The following NFATC2 variants were observed in gnomAD, a reference collection of about 807,000 sequenced individuals.
NFATC2 encodes nuclear factor of activated T-cells, cytoplasmic 2.
A neutral mutation model predicts 87.3 loss-of-function variants in NFATC2; 22 were observed. The observed-to-expected ratio is 0.25, with a 90% CI of 0.18 to 0.36. The LOEUF is 0.36. NFATC2 is among the 10% of genes least tolerant of loss of function. The pLI is 1.00. For missense variants in NFATC2, 1,149 were observed against 1,259.1 expected, an observed-to-expected ratio of 0.91 and a Z score of 1.32; for synonymous variants, 565 against 542.2, an observed-to-expected ratio of 1.04 and a Z score of -0.58.
chr20:51,520,782 TC>T (rs1469180683), intron 2 of NFATC2, among the ~76,000 whole-genome samples: 4 of 152,080 alleles, frequency 2.6e-5, no homozygotes, highest in Non-Finnish European at 5.9e-5. Context: ...TGCCTCAGCC[TC>T]CCGAGTAGCT....
chr20:51,460,376 G>T (rs1025500246), intron 5 of NFATC2, among the ~76,000 whole-genome samples: 1 of 152,098 alleles, frequency 6.6e-6, no homozygotes, highest in African/African-American at 2.4e-5. Context: ...GTAAAATGGG[G>T]CTGTTAACAG....
chr20:51,510,632 T>C (rs1176194426), intron 3 of NFATC2, among the ~76,000 whole-genome samples: 1 of 152,216 alleles, frequency 6.6e-6, no homozygotes, highest in Non-Finnish European at 1.5e-5. Context: ...TATTTGTTTG[T>C]TTTTTTAGAG....
At position 51,524,819 on chromosome 20, in the gene NFATC2, C is replaced by A. The variant is rs1347093676; in HGVS notation, c.131-709G>T. On this transcript the variant is annotated intron_variant, in intron 1 of 10. Transcript: ENST00000371564. This position sits in a 1 kb window ranked among gnomAD's most constrained non-coding sequence, Gnocchi z 4.0. ...GGCCCAGAGCGGGGAAAAGGCCCAC[C>A]GAAAGATACGGAATTAGCAGGCTTA... 6.6e-6 allele frequency among the ~76,000 whole-genome samples: 1 copy of A among 152,230 alleles called. No homozygotes were observed. The highest frequency in any genetic ancestry group is 1.9e-4 in the East Asian group (1 of 5,182).
At chr20:51,558,963 CA>C (rs1343201800) in intron 1 of NFATC2, among the ~76,000 whole-genome samples, 1 of 152,184 alleles carries the variant, frequency 6.6e-6, no homozygotes, top group East Asian at 1.9e-4. Context: ...TCCCTGGCCT[CA>C]GGGGGCTTGT....
intron 1 of NFATC2, among the ~76,000 whole-genome samples, chr20:51,557,168 C>G (rs889400397): frequency 1.3e-5 from 2 of 152,176 alleles, no homozygotes; most frequent in African/African-American, 4.8e-5. Context: ...TACTCTATAC[C>G]AAGCTCTCAG....
chr20:51,471,424 G>T (rs112108896), intron 5 of NFATC2, among the ~76,000 whole-genome samples: 1 of 152,152 alleles, frequency 6.6e-6, no homozygotes, highest in Non-Finnish European at 1.5e-5. Context: ...ACAGGAGTGG[G>T]GTCTACTGAG....
intron 2 of NFATC2, among the ~76,000 whole-genome samples, chr20:51,521,306 T>C (rs983590290): frequency 6.6e-6 from 1 of 152,152 alleles, no homozygotes; most frequent in African/African-American, 2.4e-5. Flanking sequence ...TTTATCTATT[T>C]AGGTACTCAA....
chr20:51,516,756 A>G lies in NFATC2; in HGVS notation c.1332+28T>C, dbSNP rs374159486. On this transcript the variant is annotated intron_variant, in intron 3 of 10. Coordinates refer to ENST00000371564, the MANE Select transcript of NFATC2 (RefSeq NM_012340.5). ...AATCTCTTAGTGACAAACACCACAC[A>G]CAAAAGGAAGAGCATTCAAGTCCAT... The G allele has an allele frequency of 5.7e-6, 9 of 1,567,846 alleles. No individual in the cohort carries two copies. The African/African-American group carries it at 1.2e-4, about 21-fold the overall frequency.
intron 9 of NFATC2, among the ~76,000 whole-genome samples, chr20:51,403,383 T>TATAA (rs1307862925): frequency 6.6e-6 from 1 of 152,174 alleles, no homozygotes; most frequent in Admixed American, 6.5e-5. Context: ...CAGCAAGGAC[T>TATAA]GTATTCATGG....
At position 51,454,632 on chromosome 20, in the gene NFATC2, G is replaced by C. The variant is rs368302769; in HGVS notation, c.1765C>G (p.Leu589Val). Residue 589 changes from leucine (L) to valine (V), a missense_variant, in exon 6 of 11, where the codon CTG becomes GTG. Leu to Val is a conservative substitution (Grantham distance 32, BLOSUM62 1). This residue lies in a region of NFATC2 where 581 missense variants were observed against 649.7 expected (regional missense o/e 0.89). Transcript: ENST00000371564. Reference sequence around the variant, plus strand: ...ATCATTTGCTGGCCGCCATAGACCAGGCAGCTGTCTGTGTCTTGTCTTTCA... The same window carrying C: ...ATCATTTGCTGGCCGCCATAGACCACGCAGCTGTCTGTGTCTTGTCTTTCA... ...MVERQDTDSCLVYGGQQMILT... is the reference protein window; with the variant it reads ...MVERQDTDSCVVYGGQQMILT... 2 of 1,613,966 alleles carry C rather than the reference G, an allele frequency of 1.2e-6. No individual in the cohort carries two copies. The highest frequency in any genetic ancestry group is 2.7e-5 in the African/African-American group (2 of 74,906).
rs1983378727 is a variant in NFATC2, at chr20:51,435,191, G to C, written c.2029C>G (p.Pro677Ala). Residue 677 changes from proline (P) to alanine (A), a missense_variant, in exon 8 of 11, where the codon CCA becomes GCA. Pro to Ala is a conservative substitution (Grantham distance 27, BLOSUM62 -1). Transcript: ENST00000371564. ...GGTCATCAGAAACACTCCTTACCTG[G>C]GTGGTAGGTAAAGTGCTGAGGCTGA... Reference protein sequence around the residue: ...RSQPQHFTYHPVPAIKTEPTD... With the variant: ...RSQPQHFTYHAVPAIKTEPTD... 6.2e-7 allele frequency: 1 copy of C among 1,613,916 alleles called. No homozygotes were observed. The highest frequency in any genetic ancestry group is 1.3e-5 in the African/African-American group (1 of 74,902).
At position 51,475,615 on chromosome 20, in the gene NFATC2, T is replaced by G. The variant is rs936934373; in HGVS notation, c.1378A>C (p.Ile460Leu). 6.2e-7 allele frequency: 1 copy of G among 1,613,924 alleles called. No homozygotes were observed. The highest frequency in any genetic ancestry group is 1.3e-5 in the African/African-American group (1 of 74,874). ...ENKPLGLQIF[I>L]GTADERILKP... ...AGGATCCGCTCATCAGCTGTCCCAATGAAGATCTGAAGTCCCAGAGGCTTG... is the reference window on the plus strand; with the variant it reads ...AGGATCCGCTCATCAGCTGTCCCAAGGAAGATCTGAAGTCCCAGAGGCTTG... Residue 460 changes from isoleucine (I) to leucine (L), a missense_variant, in exon 4 of 11, where the codon ATT (isoleucine) becomes CTT (leucine). Physicochemically the swap from Ile to Leu is conservative, Grantham distance 5. This residue lies in a region of NFATC2 where 581 missense variants were observed against 649.7 expected (regional missense o/e 0.89). Transcript: ENST00000371564.
Position 51,391,348 on chromosome 20 carries a change from G to A in NFATC2, c.*148C>T. The A allele has an allele frequency of 6.3e-7, 1 of 1,589,012 alleles. No homozygotes were observed. Among genetic ancestry groups the A allele is most frequent in the Non-Finnish European group, 8.6e-7 (1 of 1,157,544 alleles). On this transcript the variant is annotated 3_prime_UTR_variant, in exon 11 of 11. Coordinates refer to ENST00000371564, the MANE Select transcript of NFATC2 (RefSeq NM_012340.5). ...AGACAGAAGGTGAGGGGCTGTGGAG[G>A]GCTCCGAGGGGTCAGATACAGAAGG...
At chr20:51,441,004 C>T (rs1027187217) in intron 6 of NFATC2, among the ~76,000 whole-genome samples, 1 of 152,196 alleles carries the variant, frequency 6.6e-6, no homozygotes, top group Non-Finnish European at 1.5e-5. Context: ...CTGATGGGGC[C>T]AGGTGTTGTG....
intron 3 of NFATC2, among the ~76,000 whole-genome samples, chr20:51,496,789 T>A (rs983592572): frequency 1.3e-5 from 2 of 152,112 alleles, no homozygotes; most frequent in African/African-American, 4.8e-5. Flanking sequence ...GTTCAACCAA[T>A]CCCCTTGTGA....
intron 1 of NFATC2, among the ~76,000 whole-genome samples, chr20:51,557,579 A>C (rs140382552): frequency 2.8e-4 from 43 of 152,340 alleles, no homozygotes; most frequent in African/African-American, 9.9e-4. Flanking sequence ...ATGGCCCAGG[A>C]GAAATCCTAC....
intron 9 of NFATC2, among the ~76,000 whole-genome samples, chr20:51,425,029 T>C (rs1471173240): frequency 6.6e-6 from 1 of 151,952 alleles, no homozygotes; most frequent in Non-Finnish European, 1.5e-5. Flanking sequence ...AGCACTGACA[T>C]TTCATGGCAT....
Position 51,474,118 on chromosome 20 carries a change from C to T in NFATC2, c.1570G>A (p.Ala524Thr). 2 of 1,614,182 alleles carry T rather than the reference C, an allele frequency of 1.2e-6. No individual in the cohort carries two copies. Among genetic ancestry groups the T allele is most frequent in the Non-Finnish European group, 8.5e-7 (1 of 1,180,028 alleles). ...TCGCCTTTCCGCAGCTCAATGTCGG[C>T]GTTTCTAAGCTTCAAGATCCCCGCA... The part of the protein sequence containing the change: ...DCAGILKLRN[A>T]DIELRKGETD... Residue 524 changes from alanine (A) to threonine (T), a missense_variant, in exon 5 of 11, where the codon GCC (alanine) becomes ACC (threonine). By Grantham distance (58) the Ala-to-Thr change is moderately conservative. Transcript: ENST00000371564.
chr20:51,555,821 G>T (rs555432010), intron 1 of NFATC2, among the ~76,000 whole-genome samples: 17 of 152,240 alleles, frequency 1.1e-4, no homozygotes, highest in Non-Finnish European at 1.8e-4. Context: ...ACCAAAAAAA[G>T]ATATTGCCTT....
Sources: gnomAD v4.1 joint callset for allele counts (sites outside exome capture counted in the v4.1 genomes callset) on GRCh38, gnomAD v4.1.1 for gene constraint, gnomAD v4.1.1 regional missense constraint, Gnocchi (gnomAD v3.1) non-coding constraint, MANE v1.5 for transcripts, NCBI Gene and HGNC (gene_info 2026-07-23, HGNC 2026-07-21) for gene names.